DPYD: variants seen among roughly 807,000 people sequenced by gnomAD.
DPYD encodes dihydropyrimidine dehydrogenase, also known as dihydropyrimidine dehydrogenase [NADP(+)].
In DPYD, 109 loss-of-function variants were observed where a neutral mutation model predicts 116.2. The observed-to-expected ratio is 0.94, with a 90% confidence interval of 0.80 to 1.10. The LOEUF is 1.10. DPYD is among the 50% of genes least tolerant of loss of function. The pLI, the probability that DPYD is intolerant of heterozygous loss-of-function variation, is 0.00. For synonymous variants in DPYD, 440 were observed against 432.0 expected, an observed-to-expected ratio of 1.02 and a Z score of -0.23; for missense variants, 1,302 against 1,254.5, an observed-to-expected ratio of 1.04 and a Z score of -0.57.
intron 16 of DPYD, among the ~76,000 whole-genome samples, chr1:97,310,361 C>A (rs1271909197): frequency 6.6e-6 from 1 of 151,780 alleles, no homozygotes; most frequent in Non-Finnish European, 1.5e-5. Flanking sequence ...CCTAAACCTT[C>A]ATCTTCTTTA....
chr1:97,382,165 T>G (rs953712717), intron 15 of DPYD, among the ~76,000 whole-genome samples: 6 of 152,176 alleles, frequency 3.9e-5, no homozygotes, highest in African/African-American at 1.4e-4. Flanking sequence ...TTTTAGGTAG[T>G]GTGTGAAATC....
intron 14 of DPYD, among the ~76,000 whole-genome samples, chr1:97,401,057 C>T (rs1159018813): frequency 6.6e-6 from 1 of 152,008 alleles, no homozygotes; most frequent in Admixed American, 6.6e-5. Context: ...GCATTTCCCT[C>T]CTGACATGAT....
At chr1:97,122,469 A>G (rs1190140956) in intron 20 of DPYD, among the ~76,000 whole-genome samples, 2 of 152,148 alleles carry the variant, frequency 1.3e-5, no homozygotes, top group Non-Finnish European at 2.9e-5. Flanking sequence ...GTAAATGTAG[A>G]ATATTCTAGA....
intron 15 of DPYD, among the ~76,000 whole-genome samples, chr1:97,374,718 GAAAAAAAAAAAAAAAA>G (rs144889184): frequency 1.7e-4 from 9 of 52,610 alleles, no homozygotes; most frequent in South Asian, 8.2e-4. Context: ...CTCCGTCTCA[GAAAAAAAAAAAAAAAA>G]AAAAAAAAAA....
intron 20 of DPYD, among the ~76,000 whole-genome samples, chr1:97,180,674 T>C (rs1488896202): frequency 6.6e-6 from 1 of 152,180 alleles, no homozygotes; most frequent in Non-Finnish European, 1.5e-5. Flanking sequence ...TTGTGTTGAA[T>C]ATGAAAAGCA....
chr1:97,717,830 G>A (rs1387138687), intron 5 of DPYD, among the ~76,000 whole-genome samples: 2 of 151,966 alleles, frequency 1.3e-5, no homozygotes, highest in Non-Finnish European at 2.9e-5. Context: ...ATGTGTGTGT[G>A]TGTGTGTTTG....
intron 14 of DPYD, among the ~76,000 whole-genome samples, chr1:97,386,017 G>C (rs991284791): frequency 2.0e-5 from 3 of 152,118 alleles, no homozygotes; most frequent in Non-Finnish European, 2.9e-5. Context: ...AGGACATTGC[G>C]AGAATCATGC....
At chr1:97,113,790 A>C (rs1276076979) in intron 20 of DPYD, among the ~76,000 whole-genome samples, 1 of 152,148 alleles carries the variant, frequency 6.6e-6, no homozygotes, top group East Asian at 1.9e-4. Flanking sequence ...AAATATAAGG[A>C]AAATATGTTG....
At chr1:97,896,992 GC>G (rs1558039072) in intron 1 of DPYD, among the ~76,000 whole-genome samples, 1 of 151,764 alleles carries the variant, frequency 6.6e-6, no homozygotes, top group Non-Finnish European at 1.5e-5. Flanking sequence ...TACCATTTTT[GC>G]AATTATGTAA....
At chr1:97,709,162 T>C (rs534204633) in intron 5 of DPYD, among the ~76,000 whole-genome samples, 13 of 151,990 alleles carry the variant, frequency 8.6e-5, no homozygotes, top group African/African-American at 2.9e-4. Flanking sequence ...TTTTAAGGTG[T>C]TCCCTTCCCT....
chr1:97,827,426 AT>A (rs1309677555), intron 3 of DPYD, among the ~76,000 whole-genome samples: 2 of 152,084 alleles, frequency 1.3e-5, no homozygotes, highest in Admixed American at 6.6e-5. Context: ...GATGAGTTTT[AT>A]TTCCCACAAA....
intron 16 of DPYD, among the ~76,000 whole-genome samples, chr1:97,337,708 A>T (rs2101203103): frequency 6.6e-6 from 1 of 152,066 alleles, no homozygotes; most frequent in South Asian, 2.1e-4. Flanking sequence ...CTCAAATGAA[A>T]GCAATACAGA....
chr1:97,775,374 T>A (rs372236261), intron 3 of DPYD, among the ~76,000 whole-genome samples: 1 of 152,168 alleles, frequency 6.6e-6, no homozygotes, highest in Non-Finnish European at 1.5e-5. Context: ...CCACCTAAAT[T>A]TCCCCCCCTG....
intron 19 of DPYD, among the ~76,000 whole-genome samples, chr1:97,227,331 CAAAAA>C (rs60992225): frequency 5.6e-3 from 148 of 26,356 alleles, no homozygotes; most frequent in Admixed American, 0.012. Context: ...GACTCTATCT[CAAAAA>C]AAAAAAAAAA....
chr1:97,124,565 T>G (rs1652689696), intron 20 of DPYD, among the ~76,000 whole-genome samples: 1 of 152,136 alleles, frequency 6.6e-6, no homozygotes, highest in Non-Finnish European at 1.5e-5. Flanking sequence ...TTAACATGCT[T>G]TAGTGTCTAC....
intron 8 of DPYD, among the ~76,000 whole-genome samples, chr1:97,641,051 G>T (rs1336921594): frequency 6.6e-6 from 1 of 152,124 alleles, no homozygotes; most frequent in Non-Finnish European, 1.5e-5. Context: ...TTAGATGAAG[G>T]ATATGACTAC....
chr1:97,166,886 G>A (rs1474537607), intron 20 of DPYD, among the ~76,000 whole-genome samples: 1 of 152,120 alleles, frequency 6.6e-6, no homozygotes, highest in African/African-American at 2.4e-5. Context: ...AGAATTTAAT[G>A]CAGATACAGG....
chr1:97,156,917 C>T (rs867755366), intron 20 of DPYD, among the ~76,000 whole-genome samples: 8 of 151,958 alleles, frequency 5.3e-5, no homozygotes, highest in African/African-American at 1.9e-4. Flanking sequence ...CACATATACA[C>T]CATGGAATAC....
At chr1:97,769,302 A>G (rs1008497455) in intron 3 of DPYD, among the ~76,000 whole-genome samples, 6 of 152,188 alleles carry the variant, frequency 3.9e-5, no homozygotes, top group Admixed American at 3.9e-4. Flanking sequence ...AGGCAATGGA[A>G]AAGTAATAGT....
Sources: gnomAD v4.1 joint callset for allele counts (sites outside exome capture counted in the v4.1 genomes callset) on GRCh38, gnomAD v4.1.1 for gene constraint, MANE v1.5 for transcripts, NCBI Gene and HGNC (gene_info 2026-07-23, HGNC 2026-07-21) for gene names.